STXBP5L: variants seen among roughly 807,000 people sequenced by gnomAD.
STXBP5L encodes the protein syntaxin-binding protein 5-like.
In STXBP5L, 65 loss-of-function variants were observed where a neutral mutation model predicts 144.5. That is an observed-to-expected ratio of 0.45 (90% CI 0.37 to 0.55). The LOEUF is 0.55. Ranked by LOEUF, STXBP5L falls within the 20% of genes least tolerant of loss-of-function variation. The pLI is 0.00. For missense variants in STXBP5L, 1,298 were observed against 1,405.5 expected, an observed-to-expected ratio of 0.92 and a Z score of 1.22; for synonymous variants, 505 against 469.6, an observed-to-expected ratio of 1.08 and a Z score of -0.97.
At chr3:121,315,773 A>G (rs1296127182) in intron 19 of STXBP5L, among the ~76,000 whole-genome samples, 1 of 152,064 alleles carries the variant, frequency 6.6e-6, no homozygotes, top group African/African-American at 2.4e-5. Context: ...AGGCTGAGGC[A>G]GGCAGATCAC....
intron 9 of STXBP5L, among the ~76,000 whole-genome samples, chr3:121,204,805 G>A (rs2048275023): frequency 6.6e-6 from 1 of 152,086 alleles, no homozygotes; most frequent in African/African-American, 2.4e-5. Context: ...TAAACTGAAA[G>A]CATAACTAGA....
chr3:121,418,656 T>A, intron 26 of STXBP5L, 99 bp downstream of exon 26: 4 of 1,120,880 alleles, frequency 3.6e-6, no homozygotes, highest in Non-Finnish European at 1.3e-6. Flanking sequence ...ACATAAGTAA[T>A]CCTGTATGAG....
At chr3:120,961,853 T>A (rs955892133) in intron 3 of STXBP5L, among the ~76,000 whole-genome samples, 1 of 152,156 alleles carries the variant, frequency 6.6e-6, no homozygotes, top group African/African-American at 2.4e-5. Context: ...CGCCACACTG[T>A]CTTCCACAAT....
chr3:121,065,290 G>C (rs2041488248), intron 5 of STXBP5L, among the ~76,000 whole-genome samples: 1 of 151,924 alleles, frequency 6.6e-6, no homozygotes, highest in African/African-American at 2.4e-5. Flanking sequence ...TGTTTGCTCT[G>C]CTTTAAGTTC....
In STXBP5L at chr3:121,269,598, G is replaced by A. The variant is rs560464162; in HGVS notation, c.1959-10207G>A. ...AGATGGTACTTGCATGTGCAACTGG[G>A]TGCATAATAAAAGAGGAACTCCAAG... On this transcript the variant is annotated intron_variant, in intron 18 of 26. Coordinates refer to ENST00000471454, the MANE Select transcript of STXBP5L (RefSeq NM_001308330.2). Among the ~76,000 whole-genome samples, 14 of 152,232 alleles carry A rather than the reference G, an allele frequency of 9.2e-5. No homozygotes were observed. In the East Asian group the frequency reaches 2.5e-3, roughly 27 times the overall value.
chr3:120,959,450 C>A (rs960156379), intron 3 of STXBP5L, among the ~76,000 whole-genome samples: 33 of 152,184 alleles, frequency 2.2e-4, no homozygotes, highest in Admixed American at 1.4e-3. Flanking sequence ...CCAAGTCAAT[C>A]CTAAGCCAAC....
At chr3:121,062,094 T>C (rs2041311215) in intron 5 of STXBP5L, among the ~76,000 whole-genome samples, 1 of 152,170 alleles carries the variant, frequency 6.6e-6, no homozygotes, top group South Asian at 2.1e-4. Flanking sequence ...TTTTTGCAGG[T>C]GCTGGTACCA....
intron 20 of STXBP5L, among the ~76,000 whole-genome samples, chr3:121,348,872 C>T (rs890862063): frequency 1.3e-5 from 2 of 151,922 alleles, no homozygotes; most frequent in Non-Finnish European, 2.9e-5. Flanking sequence ...TTCTTACTAG[C>T]AGTCTATCAA....
In STXBP5L at chr3:121,257,219, C is replaced by G. The variant is rs1257481519; in HGVS notation, c.1718C>G (p.Thr573Arg). The change falls in exon 17 of 27, where the codon ACA becomes AGA. Residue 573 changes from threonine (T) to arginine (R), a missense_variant. Coordinates refer to ENST00000471454, the MANE Select transcript of STXBP5L (RefSeq NM_001308330.2). ...GATATTATTACCCCTGAACCAGAAACAAGTCCTCCGTTTCCAGATCTCTCA... is the reference window on the plus strand; with the variant it reads ...GATATTATTACCCCTGAACCAGAAAGAAGTCCTCCGTTTCCAGATCTCTCA... ...VEDIITPEPE[T>R]SPPFPDLSAQ... 6 of 1,613,718 alleles carry G rather than the reference C, an allele frequency of 3.7e-6. No individual in the cohort carries two copies. The highest frequency in any genetic ancestry group is 5.1e-6 in the Non-Finnish European group (6 of 1,179,756).
intron 9 of STXBP5L, among the ~76,000 whole-genome samples, chr3:121,169,332 C>T (rs1046753169): frequency 6.6e-6 from 1 of 152,158 alleles, no homozygotes. Flanking sequence ...CAAATTCACA[C>T]ATAACAATAT....
intron 20 of STXBP5L, among the ~76,000 whole-genome samples, chr3:121,359,934 A>G (rs1202828845): frequency 7.2e-6 from 1 of 139,028 alleles, no homozygotes; most frequent in Admixed American, 7.5e-5. Context: ...TGCTTAGGAT[A>G]TCTTTGACTA....
intron 15 of STXBP5L, among the ~76,000 whole-genome samples, chr3:121,251,758 A>G (rs2050032830): frequency 6.6e-6 from 1 of 152,166 alleles, no homozygotes; most frequent in Non-Finnish European, 1.5e-5. Context: ...AGACTGCAAT[A>G]AACACACAAG....
At chr3:121,219,972 A>G (rs1039009021) in intron 10 of STXBP5L, among the ~76,000 whole-genome samples, 7 of 152,274 alleles carry the variant, frequency 4.6e-5, no homozygotes, top group African/African-American at 1.2e-4. Flanking sequence ...TATGTATTTT[A>G]CAAATTATAC....
rs369098046 is a variant in STXBP5L at position 120,998,022 on chromosome 3, C to T, written c.287+42985C>T. Among the ~76,000 whole-genome samples the T allele has an allele frequency of 8.5e-5, 13 of 152,122 alleles. No homozygotes were observed. The East Asian group carries it at 1.3e-3, about 16-fold the overall frequency. ...ATAGTTGCAGATAAAGCTTTCTATA[C>T]AATTCAAGATCCCTTCATGTTAAAA... On this transcript the variant is annotated intron_variant, in intron 3 of 26. Transcript: ENST00000471454.
intron 7 of STXBP5L, among the ~76,000 whole-genome samples, chr3:121,145,242 C>A (rs1373738324): frequency 2.6e-5 from 4 of 151,644 alleles, no homozygotes; most frequent in Non-Finnish European, 5.9e-5. Flanking sequence ...CCCACCAGCA[C>A]ATTAAAAAAT....
chr3:121,223,081 A>G lies in STXBP5L; in HGVS notation c.1035A>G (p.Gly345=). The part of the protein sequence containing the change: ...CRRPSLTIMH[G]KAITVLEMDH... ...GACCAAGTTTAACCATCATGCATGG[A>G]AAAGCAATTACAGTACTTGAAATGG... The change falls in exon 11 of 27, where the codon GGA becomes GGG. Residue 345 remains glycine (G), a synonymous_variant. Coordinates refer to ENST00000471454, the MANE Select transcript of STXBP5L (RefSeq NM_001308330.2). The G allele has an allele frequency of 6.2e-7, 1 of 1,612,948 alleles. No homozygotes were observed. Among genetic ancestry groups the G allele is most frequent in the Non-Finnish European group, 8.5e-7 (1 of 1,179,460 alleles).
intron 9 of STXBP5L, among the ~76,000 whole-genome samples, chr3:121,201,445 G>A (rs765504145): frequency 6.6e-6 from 1 of 152,090 alleles, no homozygotes; most frequent in Non-Finnish European, 1.5e-5. Flanking sequence ...GCAGCACATC[G>A]ATGGGTCTTG....
At chr3:121,219,678 C>T (rs937018877) in intron 10 of STXBP5L, among the ~76,000 whole-genome samples, 4 of 152,064 alleles carry the variant, frequency 2.6e-5, no homozygotes, top group African/African-American at 4.8e-5. Flanking sequence ...TTATTTTCTG[C>T]TAATCTTTTA....
At chr3:121,238,000 A>G (rs576094657) in intron 12 of STXBP5L, among the ~76,000 whole-genome samples, 1 of 152,148 alleles carries the variant, frequency 6.6e-6, no homozygotes, top group South Asian at 2.1e-4. Flanking sequence ...AGAAGTTCCA[A>G]ACTTTCCCTC....
Sources: allele counts gnomAD v4.1 joint callset (sites outside exome capture counted in the v4.1 genomes callset), GRCh38; gene constraint gnomAD v4.1.1; transcripts MANE v1.5; gene names NCBI Gene and HGNC (gene_info 2026-07-23, HGNC 2026-07-21).